DLG2: variants seen among roughly 807,000 people sequenced by gnomAD.
DLG2 encodes the protein disks large homolog 2.
In DLG2, 45 loss-of-function variants were observed where a neutral mutation model predicts 132.5. That is an observed-to-expected ratio of 0.34 (90% CI 0.27 to 0.44). DLG2 has a LOEUF of 0.44. Among genes scored for constraint, DLG2 ranks in the 20% least tolerant of loss-of-function variants. DLG2 has a pLI of 1.00. For missense variants in DLG2, 1,045 were observed against 1,196.9 expected (o/e 0.87, Z 1.87); for synonymous variants, 424 against 419.6 (o/e 1.01, Z -0.13).
intron 4 of DLG2, among the ~76,000 whole-genome samples, chr11:85,191,181 C>CAA: frequency 6.6e-6 from 1 of 151,108 alleles, no homozygotes; most frequent in Admixed American, 6.6e-5. Flanking sequence ...CACACACACA[C>CAA]ACACACACAC....
chr11:84,051,151 T>A (rs1422950062), intron 11 of DLG2, among the ~76,000 whole-genome samples: 2 of 151,852 alleles, frequency 1.3e-5, no homozygotes, highest in Non-Finnish European at 2.9e-5. Flanking sequence ...TGTGGAGAAA[T>A]AGGAACACTT....
chr11:84,743,368 T>C (rs2064938906), intron 6 of DLG2, among the ~76,000 whole-genome samples: 1 of 152,196 alleles, frequency 6.6e-6, no homozygotes, highest in Admixed American at 6.5e-5. Flanking sequence ...CCATGTAGTA[T>C]ACCAACCATC....
intron 6 of DLG2, among the ~76,000 whole-genome samples, chr11:85,013,355 T>C (rs2059311108): frequency 6.6e-6 from 1 of 152,172 alleles, no homozygotes; most frequent in South Asian, 2.1e-4. Flanking sequence ...ACATTAAGAC[T>C]TCTGGTTGCT....
chr11:84,082,409 A>G (rs1333798630), intron 10 of DLG2, among the ~76,000 whole-genome samples: 2 of 152,174 alleles, frequency 1.3e-5, no homozygotes, highest in African/African-American at 4.8e-5. Context: ...TATGAGGTAC[A>G]TCCATTACTT....
chr11:84,543,746 G>A (rs1026328184), intron 6 of DLG2, among the ~76,000 whole-genome samples: 7 of 152,164 alleles, frequency 4.6e-5, no homozygotes, highest in Non-Finnish European at 1.5e-5. Flanking sequence ...TTTCCAGTTT[G>A]GAGAAGAATG....
intron 9 of DLG2, among the ~76,000 whole-genome samples, chr11:84,152,725 T>C (rs2095331334): frequency 1.3e-5 from 2 of 152,158 alleles, no homozygotes; most frequent in Non-Finnish European, 2.9e-5. Flanking sequence ...TCTTTCTCCA[T>C]TCTTTTACTT....
intron 7 of DLG2, among the ~76,000 whole-genome samples, chr11:84,391,471 A>T (rs1454874456): frequency 6.6e-6 from 1 of 152,164 alleles, no homozygotes; most frequent in Non-Finnish European, 1.5e-5. Context: ...AATGGTTTTG[A>T]TATTTCATCT....
chr11:84,438,699 T>G (rs1316645676), intron 7 of DLG2, among the ~76,000 whole-genome samples: 1 of 152,196 alleles, frequency 6.6e-6, no homozygotes, highest in Admixed American at 6.5e-5. Context: ...AAGAGACAAC[T>G]GTTTCTTCCA....
At chr11:85,513,934 T>A (rs2094126254) in intron 3 of DLG2, among the ~76,000 whole-genome samples, 1 of 151,988 alleles carries the variant, frequency 6.6e-6, no homozygotes, top group Admixed American at 6.6e-5. Context: ...CTGTTCCCCA[T>A]CCTCATTGTT....
At chr11:84,437,343 G>C (rs17147354) in intron 7 of DLG2, 9,172 of 152,266 alleles carry the variant, frequency 0.06, 380 homozygotes, top group Admixed American at 0.11. Context: ...AGAGCAGGCA[G>C]TTGGCAAACC....
intron 11 of DLG2, among the ~76,000 whole-genome samples, chr11:84,055,827 G>A (rs1237642388): frequency 6.6e-6 from 1 of 152,040 alleles, no homozygotes; most frequent in Non-Finnish European, 1.5e-5. Context: ...ATCTCCTTGA[G>A]AGCAAGAACT....
At chr11:83,515,135 C>T (rs1012043089) in intron 21 of DLG2, among the ~76,000 whole-genome samples, 1 of 152,104 alleles carries the variant, frequency 6.6e-6, no homozygotes, top group Non-Finnish European at 1.5e-5. Context: ...TGGTAGAATT[C>T]GGCTGTGAAT....
chr11:85,129,618 T>C (rs898993605), intron 5 of DLG2, among the ~76,000 whole-genome samples: 2 of 152,160 alleles, frequency 1.3e-5, no homozygotes, highest in Admixed American at 1.3e-4. Context: ...GGTGGAAGTG[T>C]AAATTCAACC....
chr11:84,113,408 C>T (rs1566558909), intron 9 of DLG2, among the ~76,000 whole-genome samples: 1 of 152,108 alleles, frequency 6.6e-6, no homozygotes. Context: ...GACTGACATA[C>T]AAACTGGTTA....
chr11:84,304,838 G>A (rs1007379967), intron 7 of DLG2, among the ~76,000 whole-genome samples: 1 of 152,172 alleles, frequency 6.6e-6, no homozygotes, highest in Non-Finnish European at 1.5e-5. Flanking sequence ...TGGACTAGTT[G>A]GAAGGCAAGC....
intron 21 of DLG2, among the ~76,000 whole-genome samples, chr11:83,490,611 A>G (rs2093785816): frequency 6.6e-6 from 1 of 151,992 alleles, no homozygotes; most frequent in Non-Finnish European, 1.5e-5. Flanking sequence ...AGATACCTTT[A>G]TAGTGGAGAA....
At chr11:85,616,781 A>AGCCAAGTTATT (rs2081366106) in intron 2 of DLG2, among the ~76,000 whole-genome samples, 1 of 152,188 alleles carries the variant, frequency 6.6e-6, no homozygotes, top group Admixed American at 6.5e-5. Context: ...TATTGGCAAC[A>AGCCAAGTTATT]TTGCTTGGAA....
At chr11:84,919,776 C>T (rs148645424) in intron 6 of DLG2, among the ~76,000 whole-genome samples, 1 of 152,256 alleles carries the variant, frequency 6.6e-6, no homozygotes, top group African/African-American at 2.4e-5. Context: ...TTTCCAAAGA[C>T]AAAATGATAC....
At chr11:84,609,287 C>T (rs573984444) in intron 6 of DLG2, among the ~76,000 whole-genome samples, 1 of 152,226 alleles carries the variant, frequency 6.6e-6, no homozygotes, top group African/African-American at 2.4e-5. Flanking sequence ...TAGACCCTAT[C>T]TCAGTGGCTT....
Sources: gnomAD v4.1 joint callset for allele counts (sites outside exome capture counted in the v4.1 genomes callset) on GRCh38, gnomAD v4.1.1 for gene constraint, MANE v1.5 for transcripts, NCBI Gene and HGNC (gene_info 2026-07-23, HGNC 2026-07-21) for gene names.